The following FAM227B variants were observed in gnomAD, a reference collection of about 807,000 sequenced individuals.
FAM227B encodes the protein family with sequence similarity 227 member B.
In FAM227B, 88 loss-of-function variants were observed where a neutral mutation model predicts 73.8. That is an observed-to-expected ratio of 1.19 (90% CI 1.00 to 1.42). The LOEUF (loss-of-function observed/expected upper bound fraction) is 1.42. Among genes scored for constraint, FAM227B ranks in the 40% most tolerant of loss-of-function variants. The probability of loss-of-function intolerance (pLI) is 0.00; values close to 1 mark genes in which losing one functional copy is unlikely to be tolerated. For synonymous variants in FAM227B, 210 were observed against 190.5 expected, an observed-to-expected ratio of 1.10 and a Z score of -0.84; for missense variants, 632 against 590.9, an observed-to-expected ratio of 1.07 and a Z score of -0.72.
intron 11 of FAM227B, among the ~76,000 whole-genome samples, chr15:49,413,304 TTC>T (rs2048993850): frequency 1.3e-5 from 2 of 151,998 alleles, no homozygotes; most frequent in South Asian, 4.1e-4. Flanking sequence ...CAGCTTTTGC[TTC>T]TCTCTCATTC....
chr15:49,613,437 G>T (rs1004657944), intron 2 of FAM227B, among the ~76,000 whole-genome samples: 1 of 152,140 alleles, frequency 6.6e-6, no homozygotes, highest in African/African-American at 2.4e-5. Context: ...AGAGGCGGAG[G>T]TTGCGGTGAG....
intron 11 of FAM227B, among the ~76,000 whole-genome samples, chr15:49,480,903 T>C (rs1221674158): frequency 6.6e-6 from 1 of 152,188 alleles, no homozygotes. Flanking sequence ...AAAGGGAAGA[T>C]GTCTGCCTAT....
intron 11 of FAM227B, among the ~76,000 whole-genome samples, chr15:49,405,659 T>C (rs993671284): frequency 6.6e-6 from 1 of 152,172 alleles, no homozygotes; most frequent in Non-Finnish European, 1.5e-5. Context: ...TTTACATCAT[T>C]TTATTTTAGC....
chr15:49,401,976 A>G (rs2048189115), intron 11 of FAM227B, among the ~76,000 whole-genome samples: 1 of 151,524 alleles, frequency 6.6e-6, no homozygotes, highest in Admixed American at 6.6e-5. Context: ...CAATGTGCAC[A>G]TGTACCCTAA....
intron 11 of FAM227B, among the ~76,000 whole-genome samples, chr15:49,430,180 C>T (rs530067637): frequency 1.3e-5 from 2 of 152,002 alleles, no homozygotes; most frequent in Non-Finnish European, 2.9e-5. Flanking sequence ...TCTGTAGCTA[C>T]TATGTTAAGA....
intron 3 of FAM227B, among the ~76,000 whole-genome samples, chr15:49,605,377 C>T (rs181439552): frequency 7.8e-4 from 119 of 152,248 alleles, no homozygotes; most frequent in African/African-American, 2.7e-3. Context: ...TTGGGTCCAC[C>T]GGAGTGGTCC....
intron 13 of FAM227B, among the ~76,000 whole-genome samples, chr15:49,354,974 G>A (rs1024747759): frequency 1.3e-5 from 2 of 151,830 alleles, no homozygotes; most frequent in Non-Finnish European, 2.9e-5. Context: ...CCCCCAGCAG[G>A]GGCACACTGA....
chr15:49,474,698 C>A (rs1418716286), intron 11 of FAM227B, among the ~76,000 whole-genome samples: 1 of 152,102 alleles, frequency 6.6e-6, no homozygotes, highest in African/African-American at 2.4e-5. Context: ...GGCGGCAGAG[C>A]AGGAGATGAG....
At chr15:49,432,955 A>G (rs1597152439) in intron 11 of FAM227B, among the ~76,000 whole-genome samples, 1 of 151,774 alleles carries the variant, frequency 6.6e-6, no homozygotes, top group East Asian at 1.9e-4. Context: ...GGATCCTAAT[A>G]TGATTGAAAA....
intron 11 of FAM227B, among the ~76,000 whole-genome samples, chr15:49,454,937 G>T (rs150572486): frequency 2.2e-3 from 340 of 152,202 alleles, no homozygotes; most frequent in African/African-American, 8.0e-3. Context: ...ACTCTCTGCA[G>T]GCCTTCAGTC....
chr15:49,504,685 C>T (rs1189030300), intron 11 of FAM227B, among the ~76,000 whole-genome samples: 1 of 152,164 alleles, frequency 6.6e-6, no homozygotes, highest in African/African-American at 2.4e-5. Context: ...GCCTGCTCCC[C>T]CTTTGCTTTC....
chr15:49,509,255 T>TA (rs1039636550), intron 10 of FAM227B, among the ~76,000 whole-genome samples: 36 of 152,206 alleles, frequency 2.4e-4, no homozygotes, highest in Admixed American at 2.0e-3. Flanking sequence ...AAAAAGCATT[T>TA]AAAAAACATG....
intron 10 of FAM227B, among the ~76,000 whole-genome samples, chr15:49,535,762 T>C (rs1248835501): frequency 6.6e-6 from 1 of 151,836 alleles, no homozygotes; most frequent in Non-Finnish European, 1.5e-5. Flanking sequence ...GTTTAATAAA[T>C]GCAATTCAAT....
chr15:49,377,951 G>A (rs113826347), intron 11 of FAM227B, among the ~76,000 whole-genome samples: 22 of 152,214 alleles, frequency 1.4e-4, no homozygotes, highest in African/African-American at 5.3e-4. Flanking sequence ...ATGTCCTGGA[G>A]AGTTTCCCTG....
chr15:49,403,390 C>A (rs1461467823), intron 11 of FAM227B, among the ~76,000 whole-genome samples: 1 of 152,072 alleles, frequency 6.6e-6, no homozygotes, highest in African/African-American at 2.4e-5. Flanking sequence ...TGAATCTGGT[C>A]CTGCATTTTT....
intron 11 of FAM227B, chr15:49,488,523 C>T (rs2056599053): frequency 6.6e-6 from 1 of 151,956 alleles, no homozygotes; most frequent in Admixed American, 6.6e-5. Context: ...CAGATATTTA[C>T]TCTCATCTGG....
At chr15:49,518,750 C>A (rs1388953428) in intron 10 of FAM227B, among the ~76,000 whole-genome samples, 2 of 152,134 alleles carry the variant, frequency 1.3e-5, no homozygotes, top group Non-Finnish European at 2.9e-5. Context: ...TGCTACAATT[C>A]AAGATGAGAT....
rs544149289 is a variant in FAM227B at position 49,573,698 on chromosome 15, A to C, written c.645+1313T>G. On this transcript the variant is annotated intron_variant, in intron 8 of 15. Coordinates refer to ENST00000299338, the MANE Select transcript of FAM227B (RefSeq NM_152647.3). ...TTCCCAGCCTACTGTGAGCCAATTC[A>C]TTCTGTTCATTATAAATCACCATTC... Among the ~76,000 whole-genome samples, 4 of 152,312 alleles carry C rather than the reference A, an allele frequency of 2.6e-5. No homozygotes were observed. The South Asian group carries it at 8.3e-4, about 32-fold the overall frequency.
chr15:49,396,318 A>G (rs1347435137), intron 11 of FAM227B: 6 of 390,560 alleles, frequency 1.5e-5, no homozygotes, highest in Non-Finnish European at 3.0e-5. Flanking sequence ...CCACGAGATT[A>G]TATCCCACAC....
Sources: gnomAD v4.1 joint callset for allele counts (sites outside exome capture counted in the v4.1 genomes callset) on GRCh38, gnomAD v4.1.1 for gene constraint, MANE v1.5 for transcripts, NCBI Gene and HGNC (gene_info 2026-07-23, HGNC 2026-07-21) for gene names.